Variants in ERBB4 observed in about 807,000 individuals in gnomAD.
The protein encoded by ERBB4 is receptor tyrosine-protein kinase erbB-4.
A neutral mutation model predicts 158.0 loss-of-function variants in ERBB4; 42 were observed. The ratio of observed to expected loss-of-function variants is 0.27; its 90% CI spans 0.21 to 0.34. The LOEUF (loss-of-function observed/expected upper bound fraction) is 0.34. ERBB4 is among the 10% of genes least tolerant of loss of function. ERBB4 has a pLI of 1.00. For missense variants in ERBB4, 1,333 were observed against 1,624.1 expected, an observed-to-expected ratio of 0.82 and a Z score of 3.08; for synonymous variants, 583 against 558.7, an observed-to-expected ratio of 1.04 and a Z score of -0.61.
At chr2:211,439,748 G>A (rs2063933655) in intron 20 of ERBB4, among the ~76,000 whole-genome samples, 1 of 152,114 alleles carries the variant, frequency 6.6e-6, no homozygotes, top group Non-Finnish European at 1.5e-5. Flanking sequence ...AAAGGATTTA[G>A]AACAGTCACT....
chr2:211,825,320 C>A (rs79090021), intron 3 of ERBB4, among the ~76,000 whole-genome samples: 9 of 151,746 alleles, frequency 5.9e-5, no homozygotes, highest in African/African-American at 1.9e-4. Context: ...ATTGAGAATA[C>A]ATACTTATAG....
chr2:212,371,425 A>T (rs2090081726), intron 1 of ERBB4, among the ~76,000 whole-genome samples: 1 of 152,226 alleles, frequency 6.6e-6, no homozygotes, highest in Non-Finnish European at 1.5e-5. Context: ...AGAGGTTTTT[A>T]AAATGTGCAT....
At chr2:211,791,468 T>A (rs1220389017) in intron 3 of ERBB4, among the ~76,000 whole-genome samples, 1 of 151,866 alleles carries the variant, frequency 6.6e-6, no homozygotes, top group African/African-American at 2.4e-5. Context: ...ACACATTTAA[T>A]TGATACTCAA....
At chr2:211,860,492 A>G (rs1190452197) in intron 3 of ERBB4, among the ~76,000 whole-genome samples, 1 of 152,132 alleles carries the variant, frequency 6.6e-6, no homozygotes, top group Middle Eastern at 3.2e-3. Flanking sequence ...AGTCACCTCA[A>G]TTATCATTGT....
At chr2:212,446,372 T>C (rs1214480588) in intron 1 of ERBB4, among the ~76,000 whole-genome samples, 1 of 151,098 alleles carries the variant, frequency 6.6e-6, no homozygotes, top group Non-Finnish European at 1.5e-5. Flanking sequence ...CCAGCAAATA[T>C]AAAGCAGGCA....
At chr2:212,411,674 A>C (rs529900659) in intron 1 of ERBB4, among the ~76,000 whole-genome samples, 2 of 152,108 alleles carry the variant, frequency 1.3e-5, no homozygotes, top group East Asian at 3.9e-4. Context: ...GTTTAAAGTG[A>C]TTCTTCTCCC....
intron 1 of ERBB4, among the ~76,000 whole-genome samples, chr2:212,382,600 A>G (rs2090545191): frequency 1.3e-5 from 2 of 151,022 alleles, no homozygotes; most frequent in Admixed American, 1.3e-4. Context: ...CTCAGGAATG[A>G]TTCATGAAAA....
chr2:211,656,386 T>TA (rs2105896442), intron 16 of ERBB4, among the ~76,000 whole-genome samples: 1 of 152,314 alleles, frequency 6.6e-6, no homozygotes, highest in South Asian at 2.1e-4. Flanking sequence ...TTCTCTCTCC[T>TA]AAAAGGATGA....
chr2:212,029,416 T>C lies in ERBB4; in HGVS notation c.235-81800A>G, dbSNP rs374342158. Among the ~76,000 whole-genome samples, 36 of 152,250 alleles carry C rather than the reference T, an allele frequency of 2.4e-4. No individual in the cohort carries two copies. The South Asian group carries it at 6.8e-3, about 29-fold the overall frequency. ...CAGTAGGATCATACTAGCAGCCTTC[T>C]ACATTTCCTAAGCAGAAGCTTTGAG... On this transcript the variant is annotated intron_variant, in intron 2 of 27. Transcript: ENST00000342788.
chr2:212,430,337 T>C (rs1207092025), intron 1 of ERBB4, among the ~76,000 whole-genome samples: 1 of 152,130 alleles, frequency 6.6e-6, no homozygotes, highest in African/African-American at 2.4e-5. Context: ...TTTTAAAACA[T>C]AAAACCTGTT....
chr2:211,731,980 A>C (rs1170581885), intron 5 of ERBB4, among the ~76,000 whole-genome samples: 1 of 152,112 alleles, frequency 6.6e-6, no homozygotes, highest in African/African-American at 2.4e-5. Context: ...ATTCTGACTC[A>C]GTAAGTCTGG....
At chr2:212,225,108 T>C (rs1310128858) in intron 1 of ERBB4, among the ~76,000 whole-genome samples, 2 of 151,986 alleles carry the variant, frequency 1.3e-5, no homozygotes, top group African/African-American at 4.8e-5. Flanking sequence ...AAAGTTTTTA[T>C]GTCCCCTTTT....
chr2:211,494,397 TA>T (rs147883257), intron 20 of ERBB4, among the ~76,000 whole-genome samples: 1 of 151,882 alleles, frequency 6.6e-6, no homozygotes, highest in South Asian at 2.1e-4. Context: ...GTTCTAATGC[TA>T]AAAAAAATGC....
chr2:211,487,087 G>A (rs750470112), intron 20 of ERBB4, among the ~76,000 whole-genome samples: 3 of 151,132 alleles, frequency 2.0e-5, no homozygotes, highest in African/African-American at 4.9e-5. Flanking sequence ...ACGTTGGTGT[G>A]CTGCACCCAT....
rs1412492818 is a variant in ERBB4 at position 211,379,529 on chromosome 2, CT to C, written c.*4085del. On this transcript the variant is annotated 3_prime_UTR_variant, in exon 28 of 28. Transcript: ENST00000342788. ...TTTAAATGGCAAACTTATCTTTTTA[CT>C]ATGCAAAATCCATCCTACATTTTTA... 19 of 230,998 alleles carry C rather than the reference CT, an allele frequency of 8.2e-5. No individual in the cohort carries two copies. In the East Asian group the frequency reaches 1.2e-3, roughly 14 times the overall value. The allele number at this position is 230,998 out of a possible 1,614,324, so 14.3% of individuals were successfully genotyped here. A position where few individuals can be genotyped will look rare whatever the true frequency, so the allele number is the denominator to read the frequency against.
intron 7 of ERBB4, among the ~76,000 whole-genome samples, chr2:211,716,213 T>A (rs1365635725): frequency 6.6e-6 from 1 of 151,024 alleles, no homozygotes; most frequent in African/African-American, 2.4e-5. Context: ...AAATACAAAA[T>A]TAGCCAGGCA....
At chr2:211,887,714 T>C (rs140270567) in intron 3 of ERBB4, among the ~76,000 whole-genome samples, 2 of 152,284 alleles carry the variant, frequency 1.3e-5, no homozygotes, top group African/African-American at 4.8e-5. Context: ...AATCATGTTA[T>C]TATCACACAA....
At chr2:212,398,903 T>A (rs1419445932) in intron 1 of ERBB4, among the ~76,000 whole-genome samples, 1 of 143,804 alleles carries the variant, frequency 7.0e-6, no homozygotes, top group Non-Finnish European at 1.5e-5. Flanking sequence ...ACAACTTCTA[T>A]TTCAAGATAT....
intron 3 of ERBB4, among the ~76,000 whole-genome samples, chr2:211,920,919 T>C (rs78901544): frequency 2.0e-5 from 3 of 152,000 alleles, no homozygotes; most frequent in East Asian, 1.9e-4. Flanking sequence ...AATACATATT[T>C]TGAATTATGT....
Sources: gnomAD v4.1 joint callset for allele counts (sites outside exome capture counted in the v4.1 genomes callset) on GRCh38, gnomAD v4.1.1 for gene constraint, MANE v1.5 for transcripts, NCBI Gene and HGNC (gene_info 2026-07-23, HGNC 2026-07-21) for gene names.